The following ANO10 variants were observed in gnomAD, a reference collection of about 807,000 sequenced individuals.
ANO10 encodes the protein anoctamin-10.
A neutral mutation model predicts 74.7 loss-of-function variants in ANO10; 77 were observed. That is an observed-to-expected ratio of 1.03 (90% CI 0.86 to 1.25). The LOEUF is 1.25. ANO10 is among the 50% of genes most tolerant of loss of function. ANO10 has a pLI of 0.00. For synonymous variants in ANO10, 279 were observed against 284.9 expected (o/e 0.98, Z 0.21); for missense variants, 721 against 778.1 (o/e 0.93, Z 0.87).
intron 12 of ANO10, among the ~76,000 whole-genome samples, chr3:43,387,954 C>CTTTA (rs5848661): frequency 0.38 from 57,819 of 151,866 alleles, 11,274 homozygotes; most frequent in Middle Eastern, 0.43. Context: ...TTTCCAATTT[C>CTTTA]TTTTTTTCCT....
At chr3:43,373,938 C>T in intron 12 of ANO10, among the ~76,000 whole-genome samples, 1 of 152,218 alleles carries the variant, frequency 6.6e-6, no homozygotes, top group East Asian at 1.9e-4. Flanking sequence ...CTGCTCATCG[C>T]CTCTGTCCTT....
chr3:43,516,434 T>C (rs573167906), intron 11 of ANO10, among the ~76,000 whole-genome samples: 15 of 152,126 alleles, frequency 9.9e-5, no homozygotes, highest in Non-Finnish European at 1.5e-4. Context: ...GTTGAAAGCG[T>C]AGGGCGAAGG....
At chr3:43,537,060 C>T (rs1211678646) in intron 11 of ANO10, among the ~76,000 whole-genome samples, 1 of 149,656 alleles carries the variant, frequency 6.7e-6, no homozygotes, top group Non-Finnish European at 1.5e-5. Context: ...CAACCATCCT[C>T]GGTTAAGTTT....
chr3:43,573,152 T>A (rs911366409), intron 7 of ANO10, among the ~76,000 whole-genome samples: 10 of 152,214 alleles, frequency 6.6e-5, no homozygotes, highest in Admixed American at 2.0e-4. Flanking sequence ...ATGAACTTTT[T>A]AATGTATCCC....
In ANO10 at chr3:43,576,874, T is replaced by TA. The variant is rs754348871; in HGVS notation, c.979dup (p.Tyr327LeufsTer22). ...AATCATCATGACATACAGTGAGAAA[T>TA]AGAGGCAGAGGCACACGAATGGCAG... On this transcript the variant is annotated frameshift_variant, in exon 6 of 13. Coordinates refer to ENST00000292246, the MANE Select transcript of ANO10 (RefSeq NM_018075.5). LOFTEE classifies it high-confidence loss of function. 1 of 1,614,142 alleles carries TA rather than the reference T, an allele frequency of 6.2e-7. No individual in the cohort carries two copies. The highest frequency in any genetic ancestry group is 1.7e-5 in the Admixed American group (1 of 60,016).
chr3:43,551,952 G>A (rs548106706), intron 10 of ANO10, among the ~76,000 whole-genome samples: 189 of 152,174 alleles, frequency 1.2e-3, no homozygotes, highest in African/African-American at 4.4e-3. Flanking sequence ...TAGGATGTAC[G>A]GCTGGTCATT....
At chr3:43,659,365 T>A (rs749319004) in intron 1 of ANO10, among the ~76,000 whole-genome samples, 1 of 152,074 alleles carries the variant, frequency 6.6e-6, no homozygotes, top group African/African-American at 2.4e-5. Flanking sequence ...ATACTGTGCT[T>A]TTCCCATGGT....
chr3:43,562,219 G>A (rs191247350), intron 8 of ANO10, among the ~76,000 whole-genome samples: 2,710 of 151,886 alleles, frequency 0.018, 72 homozygotes, highest in African/African-American at 0.06. Context: ...TTGGGAGGCC[G>A]AGGCGGGCAG....
At chr3:43,640,794 G>T (rs1327774015) in intron 1 of ANO10, among the ~76,000 whole-genome samples, 1 of 152,200 alleles carries the variant, frequency 6.6e-6, no homozygotes, top group Non-Finnish European at 1.5e-5. Context: ...TTTTCAATAA[G>T]ATTTCATGCT....
chr3:43,488,728 T>C (rs1470372192), intron 11 of ANO10, among the ~76,000 whole-genome samples: 5 of 151,978 alleles, frequency 3.3e-5, no homozygotes, highest in African/African-American at 1.2e-4. Flanking sequence ...GGTGGGACTG[T>C]AAACTAGTTC....
chr3:43,675,617 G>C (rs1186108802), intron 1 of ANO10, among the ~76,000 whole-genome samples: 2 of 151,794 alleles, frequency 1.3e-5, no homozygotes, highest in Non-Finnish European at 2.9e-5. Flanking sequence ...CACATGAAAA[G>C]ATGTTCAACA....
intron 9 of ANO10, among the ~76,000 whole-genome samples, chr3:43,559,928 T>C (rs2079944753): frequency 6.6e-6 from 1 of 152,182 alleles, no homozygotes; most frequent in Non-Finnish European, 1.5e-5. Context: ...CTTTTCTCTA[T>C]GCTTCATATA....
intron 12 of ANO10, among the ~76,000 whole-genome samples, chr3:43,378,670 C>T (rs186441896): frequency 6.6e-6 from 1 of 152,162 alleles, no homozygotes; most frequent in Non-Finnish European, 1.5e-5. Flanking sequence ...CCCTTCCCCC[C>T]AGAGCAGGGC....
intron 11 of ANO10, among the ~76,000 whole-genome samples, chr3:43,539,019 A>C (rs951127653): frequency 1.3e-5 from 2 of 152,238 alleles, no homozygotes; most frequent in African/African-American, 4.8e-5. Context: ...AATAAAATGT[A>C]AATGGGCTAT....
chr3:43,454,468 T>C (rs2075036214), intron 11 of ANO10, among the ~76,000 whole-genome samples: 2 of 151,912 alleles, frequency 1.3e-5, no homozygotes, highest in East Asian at 1.9e-4. Context: ...CCCAAGACTG[T>C]CTGGCCATCA....
intron 1 of ANO10, among the ~76,000 whole-genome samples, chr3:43,655,498 G>A (rs890066593): frequency 7.9e-5 from 12 of 152,220 alleles, no homozygotes; most frequent in Admixed American, 6.5e-4. Flanking sequence ...ACCCAAGCGG[G>A]TTGCCACTGC....
chr3:43,691,051 C>G, intron 1 of ANO10: 3 of 1,546,304 alleles, frequency 1.9e-6, no homozygotes, highest in Non-Finnish European at 1.7e-6. Flanking sequence ...TAAGCGCAGC[C>G]GGCAGGGGGC....
chr3:43,449,786 A>G (rs533134205), intron 11 of ANO10, among the ~76,000 whole-genome samples: 14 of 152,298 alleles, frequency 9.2e-5, no homozygotes, highest in Non-Finnish European at 1.9e-4. Context: ...GCCACTCCAC[A>G]TAAACAATAG....
At chr3:43,508,962 A>G (rs143550799) in intron 11 of ANO10, among the ~76,000 whole-genome samples, 2 of 22,876 alleles carry the variant, frequency 8.7e-5, no homozygotes, top group Admixed American at 3.1e-4. Context: ...AAAAAAGAAA[A>G]GAAAAAAAGA....
Sources: allele counts gnomAD v4.1 joint callset (sites outside exome capture counted in the v4.1 genomes callset), GRCh38; gene constraint gnomAD v4.1.1; transcripts MANE v1.5; gene names NCBI Gene and HGNC (gene_info 2026-07-23, HGNC 2026-07-21).